The following PLCXD3 variants were observed in gnomAD, a reference collection of about 807,000 sequenced individuals.
The protein encoded by PLCXD3 is PI-PLC X domain-containing protein 3.
In PLCXD3, 19 loss-of-function variants were observed where a neutral mutation model predicts 25.5. The observed-to-expected ratio is 0.75, with a 90% CI of 0.52 to 1.09. The LOEUF is 1.09. PLCXD3 is among the 50% of genes least tolerant of loss of function. The probability of loss-of-function intolerance (pLI) is 0.00; values close to 1 mark genes in which losing one functional copy is unlikely to be tolerated. For missense variants in PLCXD3, 411 were observed against 388.1 expected, an observed-to-expected ratio of 1.06 and a Z score of -0.50; for synonymous variants, 174 against 137.6, an observed-to-expected ratio of 1.26 and a Z score of -1.85.
intron 1 of PLCXD3, among the ~76,000 whole-genome samples, chr5:41,440,045 G>C (rs1747342995): frequency 6.6e-6 from 1 of 151,984 alleles, no homozygotes; most frequent in Non-Finnish European, 1.5e-5. Flanking sequence ...TCGCACACAG[G>C]TGGAACATGG....
intron 2 of PLCXD3, among the ~76,000 whole-genome samples, chr5:41,356,223 G>T (rs1744613917): frequency 6.6e-6 from 1 of 152,084 alleles, no homozygotes; most frequent in African/African-American, 2.4e-5. Context: ...CTGAGATTGC[G>T]CCACTGCACT....
At chr5:41,487,695 C>T (rs1440730673) in intron 1 of PLCXD3, among the ~76,000 whole-genome samples, 1 of 151,972 alleles carries the variant, frequency 6.6e-6, no homozygotes, top group East Asian at 1.9e-4. Context: ...AGGTGTCACA[C>T]CGGAGACTAG....
At chr5:41,452,992 A>G (rs969336787) in intron 1 of PLCXD3, among the ~76,000 whole-genome samples, 1 of 152,014 alleles carries the variant, frequency 6.6e-6, no homozygotes, top group African/African-American at 2.4e-5. Flanking sequence ...CATATTTCAC[A>G]TATTTGTCAT....
intron 2 of PLCXD3, among the ~76,000 whole-genome samples, chr5:41,329,639 T>C (rs1324768114): frequency 6.6e-6 from 1 of 151,926 alleles, no homozygotes; most frequent in Non-Finnish European, 1.5e-5. Flanking sequence ...TTACAAATTT[T>C]CAAATTGACC....
intron 1 of PLCXD3, among the ~76,000 whole-genome samples, chr5:41,435,792 A>C: frequency 6.6e-6 from 1 of 152,250 alleles, no homozygotes; most frequent in East Asian, 1.9e-4. Flanking sequence ...TGGAGACTAA[A>C]GATGTTAAGC....
At chr5:41,389,726 A>G (rs1745751186) in intron 1 of PLCXD3, among the ~76,000 whole-genome samples, 1 of 152,146 alleles carries the variant, frequency 6.6e-6, no homozygotes, top group Admixed American at 6.6e-5. Flanking sequence ...AATTTTTGTG[A>G]TGAATTTGTG....
intron 1 of PLCXD3, among the ~76,000 whole-genome samples, chr5:41,446,197 A>AAAAAG (rs1332602145): frequency 6.7e-6 from 1 of 149,394 alleles, no homozygotes; most frequent in African/African-American, 2.4e-5. Flanking sequence ...AAAAAAAAAA[A>AAAAAG]AAAAGAACAA....
chr5:41,471,828 C>G (rs189280066), intron 1 of PLCXD3, among the ~76,000 whole-genome samples: 106 of 4,986 alleles, frequency 0.021, 13 homozygotes, highest in Middle Eastern at 0.25. Context: ...GTCCCCTCCC[C>G]TCCCCTCCCC....
intron 1 of PLCXD3, among the ~76,000 whole-genome samples, chr5:41,422,734 T>G (rs888692825): frequency 2.6e-5 from 4 of 152,200 alleles, no homozygotes; most frequent in Non-Finnish European, 5.9e-5. Flanking sequence ...TTTGTCAGAT[T>G]TATTTCCAGG....
chr5:41,493,032 T>C (rs991918449), intron 1 of PLCXD3, among the ~76,000 whole-genome samples: 6 of 152,248 alleles, frequency 3.9e-5, no homozygotes, highest in Non-Finnish European at 7.3e-5. Context: ...CCAGTTTTTC[T>C]ACTCTGTTTT....
Position 41,440,480 on chromosome 5 carries a change from G to T in PLCXD3, c.104-57946C>A, listed in dbSNP as rs188794035. 8.2e-3 allele frequency among the ~76,000 whole-genome samples: 1,245 copies of T among 151,930 alleles called. 8 individuals are homozygous for T. Among genetic ancestry groups the T allele is most frequent in the African/African-American group, 0.028 (1,155 of 41,416 alleles). Reference sequence around the variant, plus strand: ...ACTCCTGACCTCAGATGATCCACCTGCCTTGGCCTCCCAAAGTGCTGGGAT... The same window carrying T: ...ACTCCTGACCTCAGATGATCCACCTTCCTTGGCCTCCCAAAGTGCTGGGAT... On this transcript the variant is annotated intron_variant, in intron 1 of 2. Coordinates refer to ENST00000377801, the MANE Select transcript of PLCXD3 (RefSeq NM_001005473.3).
At position 41,454,754 on chromosome 5, in the gene PLCXD3, A is replaced by G. The variant is rs370775711; in HGVS notation, c.103+55670T>C. On this transcript the variant is annotated intron_variant, in intron 1 of 2. Coordinates refer to ENST00000377801, the MANE Select transcript of PLCXD3 (RefSeq NM_001005473.3). ...TTGCTGACAACCACCGGAACTTAAG[A>G]GACAAATGAGACATATTCTCTCTCC... Among the ~76,000 whole-genome samples, 3 of 152,114 alleles carry G rather than the reference A, an allele frequency of 2.0e-5. No individual in the cohort carries two copies. In the East Asian group the frequency reaches 5.8e-4, roughly 30 times the overall value.
intron 1 of PLCXD3, among the ~76,000 whole-genome samples, chr5:41,495,256 G>A (rs1297760937): frequency 6.6e-6 from 1 of 152,198 alleles, no homozygotes; most frequent in Non-Finnish European, 1.5e-5. Flanking sequence ...CTGCCTAAGG[G>A]ACTGGCTTTT....
intron 1 of PLCXD3, among the ~76,000 whole-genome samples, chr5:41,500,803 TCA>T (rs1313547655): frequency 6.6e-6 from 1 of 151,814 alleles, no homozygotes; most frequent in Non-Finnish European, 1.5e-5. Context: ...TACTTGCAAA[TCA>T]TATATATGAT....
chr5:41,412,162 C>A (rs1188425351), intron 1 of PLCXD3, among the ~76,000 whole-genome samples: 1 of 151,846 alleles, frequency 6.6e-6, no homozygotes, highest in African/African-American at 2.4e-5. Flanking sequence ...AAATCGTGGT[C>A]AAATTTATAC....
chr5:41,504,513 A>G (rs1749016402), intron 1 of PLCXD3, among the ~76,000 whole-genome samples: 1 of 152,194 alleles, frequency 6.6e-6, no homozygotes, highest in South Asian at 2.1e-4. Context: ...AGAGTCAGCA[A>G]TAGGAGATGT....
At chr5:41,476,856 T>C (rs1748294278) in intron 1 of PLCXD3, among the ~76,000 whole-genome samples, 1 of 152,200 alleles carries the variant, frequency 6.6e-6, no homozygotes, top group Non-Finnish European at 1.5e-5. Context: ...TCCTAGTGTT[T>C]CCATCAAGGC....
chr5:41,383,223 T>C (rs1026663012), intron 1 of PLCXD3, among the ~76,000 whole-genome samples: 2 of 152,086 alleles, frequency 1.3e-5, no homozygotes, highest in Admixed American at 1.3e-4. Flanking sequence ...ATTAACAGCA[T>C]TTAAAAATTG....
At chr5:41,343,016 C>G (rs1028755897) in intron 2 of PLCXD3, among the ~76,000 whole-genome samples, 1 of 152,058 alleles carries the variant, frequency 6.6e-6, no homozygotes, top group African/African-American at 2.4e-5. Flanking sequence ...TGTTTGAATG[C>G]AGTGGGTACA....
Sources: allele counts gnomAD v4.1 joint callset (sites outside exome capture counted in the v4.1 genomes callset), GRCh38; gene constraint gnomAD v4.1.1; transcripts MANE v1.5; gene names NCBI Gene and HGNC (gene_info 2026-07-23, HGNC 2026-07-21).